Variants in GRM8 observed in about 807,000 individuals in gnomAD.
The protein encoded by GRM8 is glutamate metabotropic receptor 8.
A neutral mutation model predicts 87.2 loss-of-function variants in GRM8; 47 were observed. The ratio of observed to expected loss-of-function variants is 0.54; its 90% CI spans 0.43 to 0.69. GRM8 has a LOEUF of 0.69. GRM8 is among the 30% of genes least tolerant of loss of function. The probability of loss-of-function intolerance (pLI) is 0.00; values close to 1 mark genes in which losing one functional copy is unlikely to be tolerated. For synonymous variants in GRM8, 396 were observed against 404.5 expected (o/e 0.98, Z 0.25); for missense variants, 1,019 against 1,139.2 (o/e 0.89, Z 1.52).
At chr7:126,564,572 G>A (rs1794029502) in intron 8 of GRM8, among the ~76,000 whole-genome samples, 1 of 152,112 alleles carries the variant, frequency 6.6e-6, no homozygotes, top group South Asian at 2.1e-4. Context: ...AATTAGTGTG[G>A]AGATTAAACC....
At chr7:126,523,549 T>A (rs1322520122) in intron 9 of GRM8, among the ~76,000 whole-genome samples, 2 of 151,028 alleles carry the variant, frequency 1.3e-5, no homozygotes, top group Non-Finnish European at 2.9e-5. Flanking sequence ...CAGGCTGGAG[T>A]GCAGTGCGCA....
intron 3 of GRM8, chr7:127,058,076 T>A (rs1283536215): frequency 4.2e-6 from 2 of 471,634 alleles, no homozygotes; most frequent in Middle Eastern, 3.4e-4. Context: ...TGGAATCACG[T>A]CTTTAACTGG....
intron 7 of GRM8, among the ~76,000 whole-genome samples, chr7:126,724,896 A>G (rs1179292463): frequency 1.3e-5 from 2 of 152,216 alleles, no homozygotes; most frequent in Non-Finnish European, 2.9e-5. Flanking sequence ...AATAAACAAG[A>G]CATCCAAAGT....
At chr7:126,764,002 G>T (rs1046428958) in intron 7 of GRM8, among the ~76,000 whole-genome samples, 3 of 151,742 alleles carry the variant, frequency 2.0e-5, no homozygotes, top group Admixed American at 2.0e-4. Flanking sequence ...GAAAAAAAGC[G>T]TTCCAGTTCC....
intron 10 of GRM8, among the ~76,000 whole-genome samples, chr7:126,440,838 T>C (rs1048451850): frequency 6.6e-6 from 1 of 152,062 alleles, no homozygotes; most frequent in Non-Finnish European, 1.5e-5. Context: ...ATGACTGTAG[T>C]AAAAATTAAA....
chr7:126,585,243 T>C (rs534268233), intron 8 of GRM8, among the ~76,000 whole-genome samples: 1 of 152,140 alleles, frequency 6.6e-6, no homozygotes, highest in Non-Finnish European at 1.5e-5. Flanking sequence ...TGTAGCAAAT[T>C]CCTAATTCTA....
rs567638878 is a variant in GRM8, at chr7:126,813,450, C to T, written c.1157-43385G>A. On this transcript the variant is annotated intron_variant, in intron 6 of 10. Transcript: ENST00000339582. ...ATTTCACACAGATCATCTCTGGCAC[C>T]CCCAATGAGGACACTGGAGACATGA... is the stretch of plus-strand genomic sequence containing the variant. Among the ~76,000 whole-genome samples, 7 of 152,168 alleles carry T rather than the reference C, an allele frequency of 4.6e-5. No individual in the cohort carries two copies. The South Asian group carries it at 1.5e-3, about 32-fold the overall frequency.
intron 3 of GRM8, among the ~76,000 whole-genome samples, chr7:127,040,205 A>T (rs1312156759): frequency 3.3e-5 from 5 of 152,008 alleles, no homozygotes; most frequent in Non-Finnish European, 1.5e-5. Context: ...GGGCTGCTTT[A>T]GTCTCCCTGC....
chr7:127,116,409 C>T (rs1321386794), intron 2 of GRM8, among the ~76,000 whole-genome samples: 1 of 152,166 alleles, frequency 6.6e-6, no homozygotes, highest in Non-Finnish European at 1.5e-5. Flanking sequence ...ACATGCCAGA[C>T]ACGGTGACAG....
chr7:126,960,845 T>G (rs1809240281), intron 3 of GRM8, among the ~76,000 whole-genome samples: 1 of 152,220 alleles, frequency 6.6e-6, no homozygotes, highest in Non-Finnish European at 1.5e-5. Context: ...TCCCACTTTC[T>G]ATATGAATTG....
At chr7:126,756,570 A>G (rs1455769447) in intron 7 of GRM8, among the ~76,000 whole-genome samples, 1 of 152,124 alleles carries the variant, frequency 6.6e-6, no homozygotes, top group Non-Finnish European at 1.5e-5. Flanking sequence ...TTAAAACTCA[A>G]TAATAGTAAG....
At chr7:126,659,382 T>C (rs893109427) in intron 7 of GRM8, among the ~76,000 whole-genome samples, 2 of 152,208 alleles carry the variant, frequency 1.3e-5, no homozygotes, top group African/African-American at 4.8e-5. Flanking sequence ...AGTGATGCTC[T>C]GGAGTGGCTT....
At chr7:127,189,147 G>A (rs1427999286) in intron 2 of GRM8, among the ~76,000 whole-genome samples, 2 of 152,164 alleles carry the variant, frequency 1.3e-5, no homozygotes, top group African/African-American at 4.8e-5. Context: ...ACACAGTATG[G>A]TAGGAAGACC....
At chr7:126,965,359 C>A (rs958767033) in intron 3 of GRM8, among the ~76,000 whole-genome samples, 14 of 152,014 alleles carry the variant, frequency 9.2e-5, no homozygotes, top group Non-Finnish European at 5.9e-5. Flanking sequence ...AACATAGACA[C>A]TATCAATTAA....
chr7:126,888,625 A>C (rs1170781861), intron 6 of GRM8, among the ~76,000 whole-genome samples: 1 of 152,032 alleles, frequency 6.6e-6, no homozygotes, highest in Non-Finnish European at 1.5e-5. Flanking sequence ...TGGTTTGCTG[A>C]ATTGGCATAT....
intron 7 of GRM8, among the ~76,000 whole-genome samples, chr7:126,669,788 A>ACAT (rs1806191418): frequency 6.6e-6 from 1 of 152,244 alleles, no homozygotes; most frequent in African/African-American, 2.4e-5. Flanking sequence ...GGGGTATAAG[A>ACAT]ACAGTAAAAT....
intron 2 of GRM8, among the ~76,000 whole-genome samples, chr7:127,227,632 C>G (rs900592599): frequency 6.6e-6 from 1 of 152,306 alleles, no homozygotes; most frequent in Admixed American, 6.5e-5. Flanking sequence ...ATCCTGCCAT[C>G]AGCTTCAAAA....
intron 3 of GRM8, among the ~76,000 whole-genome samples, chr7:126,910,349 T>TAC (rs1792952811): frequency 1.3e-5 from 2 of 152,198 alleles, no homozygotes; most frequent in Non-Finnish European, 2.9e-5. Flanking sequence ...GTCTTTCAAA[T>TAC]TTATCAGTAT....
intron 3 of GRM8, among the ~76,000 whole-genome samples, chr7:126,999,945 T>C (rs1341934861): frequency 6.6e-6 from 1 of 151,894 alleles, no homozygotes; most frequent in African/African-American, 2.4e-5. Flanking sequence ...CCCATGTTTG[T>C]TGCAGCACTG....
Sources: allele counts gnomAD v4.1 joint callset (sites outside exome capture counted in the v4.1 genomes callset), GRCh38; gene constraint gnomAD v4.1.1; transcripts MANE v1.5; gene names NCBI Gene and HGNC (gene_info 2026-07-23, HGNC 2026-07-21).